Variants in ZNF385D observed in about 807,000 individuals in gnomAD.
The protein encoded by ZNF385D is zinc finger protein 659.
A neutral mutation model predicts 35.8 loss-of-function variants in ZNF385D; 15 were observed. That is an observed-to-expected ratio of 0.42 (90% CI 0.28 to 0.64). The LOEUF is 0.64. Ranked by LOEUF, ZNF385D falls within the 30% of genes least tolerant of loss-of-function variation. The probability of loss-of-function intolerance (pLI) is 0.23; values close to 1 mark genes in which losing one functional copy is unlikely to be tolerated. For synonymous variants in ZNF385D, 212 were observed against 186.8 expected (o/e 1.13, Z -1.10); for missense variants, 474 against 494.6 (o/e 0.96, Z 0.39).
intron 3 of ZNF385D, among the ~76,000 whole-genome samples, chr3:21,918,069 C>T (rs1305981205): frequency 6.6e-6 from 1 of 152,152 alleles, no homozygotes; most frequent in Non-Finnish European, 1.5e-5. Context: ...GTTTTGCAAG[C>T]TGGAATATTC....
intron 3 of ZNF385D, among the ~76,000 whole-genome samples, chr3:21,516,894 T>C (rs1383813926): frequency 6.6e-6 from 1 of 151,936 alleles, no homozygotes; most frequent in Non-Finnish European, 1.5e-5. Flanking sequence ...TGAATGGTTA[T>C]TAGAGATGTC....
At chr3:22,192,161 C>G (rs972024345) in intron 2 of ZNF385D, among the ~76,000 whole-genome samples, 1 of 152,090 alleles carries the variant, frequency 6.6e-6, no homozygotes, top group Non-Finnish European at 1.5e-5. Context: ...GTAACTTAGT[C>G]CAAAGGAGGA....
At chr3:21,937,059 G>T (rs773519500) in intron 3 of ZNF385D, among the ~76,000 whole-genome samples, 1 of 152,076 alleles carries the variant, frequency 6.6e-6, no homozygotes, top group Non-Finnish European at 1.5e-5. Context: ...AGAGAGATTT[G>T]CATTACTAGT....
At chr3:21,885,616 G>C (rs259535) in intron 3 of ZNF385D, among the ~76,000 whole-genome samples, 1 of 151,670 alleles carries the variant, frequency 6.6e-6, no homozygotes, top group East Asian at 1.9e-4. Context: ...GCAATGAAAA[G>C]TTTTATATAT....
chr3:21,955,312 G>A (rs1702234621), intron 3 of ZNF385D, among the ~76,000 whole-genome samples: 3 of 152,052 alleles, frequency 2.0e-5, no homozygotes, highest in Non-Finnish European at 4.4e-5. Flanking sequence ...TTTCTTGTAG[G>A]GAGTGGGGAC....
intron 2 of ZNF385D, among the ~76,000 whole-genome samples, chr3:21,657,201 A>C (rs1234314228): frequency 6.6e-6 from 1 of 151,938 alleles, no homozygotes; most frequent in Admixed American, 6.6e-5. Context: ...AGAGAGAACT[A>C]AGTTGCAGGG....
chr3:22,317,573 TAC>T (rs1490418878), intron 2 of ZNF385D, among the ~76,000 whole-genome samples: 1 of 152,100 alleles, frequency 6.6e-6, no homozygotes, highest in Admixed American at 6.6e-5. Context: ...ACCTCCATGC[TAC>T]ATTTATTCTC....
chr3:22,299,435 A>G (rs1009590864), intron 2 of ZNF385D, among the ~76,000 whole-genome samples: 1 of 151,846 alleles, frequency 6.6e-6, no homozygotes, highest in African/African-American at 2.4e-5. Flanking sequence ...AGGAATATAT[A>G]TAAGTAACTA....
chr3:21,822,364 G>C (rs1481600564), intron 3 of ZNF385D, among the ~76,000 whole-genome samples: 2 of 152,044 alleles, frequency 1.3e-5, no homozygotes, highest in Non-Finnish European at 2.9e-5. Context: ...GAATCACCGC[G>C]CCCAGCCTGG....
intron 4 of ZNF385D, among the ~76,000 whole-genome samples, chr3:21,501,221 G>C (rs1479483796): frequency 1.3e-5 from 2 of 152,114 alleles, no homozygotes; most frequent in African/African-American, 4.8e-5. Flanking sequence ...CTCTATCGCT[G>C]TACGGGACAG....
chr3:21,556,068 G>GTTTTTTTTTTTTTTTTTTTT (rs148079775), intron 3 of ZNF385D, among the ~76,000 whole-genome samples: 33 of 99,042 alleles, frequency 3.3e-4, no homozygotes, highest in East Asian at 6.1e-4. Flanking sequence ...TTTTGTTTTT[G>GTTTTTTTTTTTTTTTTTTTT]TTTTTTTTTT....
intron 2 of ZNF385D, among the ~76,000 whole-genome samples, chr3:22,327,825 C>T (rs754127266): frequency 6.6e-6 from 1 of 152,132 alleles, no homozygotes; most frequent in South Asian, 2.1e-4. Flanking sequence ...GAATGTTGAC[C>T]TTGTATGGAA....
At chr3:21,968,720 C>G (rs1388837533) in intron 3 of ZNF385D, among the ~76,000 whole-genome samples, 1 of 152,192 alleles carries the variant, frequency 6.6e-6, no homozygotes, top group Non-Finnish European at 1.5e-5. Flanking sequence ...CAATGGTAGC[C>G]AGGCAGTACT....
At chr3:21,945,537 TA>T (rs1701739847) in intron 3 of ZNF385D, among the ~76,000 whole-genome samples, 2 of 152,220 alleles carry the variant, frequency 1.3e-5, no homozygotes, top group Non-Finnish European at 2.9e-5. Flanking sequence ...CTATCAAGAT[TA>T]AATTATTTTG....
chr3:22,066,914 C>G (rs932576906), intron 3 of ZNF385D, among the ~76,000 whole-genome samples: 1 of 152,094 alleles, frequency 6.6e-6, no homozygotes, highest in Non-Finnish European at 1.5e-5. Flanking sequence ...ATCAATGATG[C>G]CTATAATCAG....
intron 2 of ZNF385D, among the ~76,000 whole-genome samples, chr3:22,270,810 G>T (rs1288258923): frequency 2.0e-5 from 3 of 151,904 alleles, no homozygotes; most frequent in Non-Finnish European, 4.4e-5. Context: ...TTTAATAAAT[G>T]TATTGAACTT....
intron 3 of ZNF385D, among the ~76,000 whole-genome samples, chr3:21,957,940 T>C (rs1413708338): frequency 6.6e-6 from 1 of 152,076 alleles, no homozygotes; most frequent in Non-Finnish European, 1.5e-5. Flanking sequence ...ATGTTGTCAT[T>C]CAGAAAAACA....
chr3:22,113,815 G>C (rs1042705954), intron 3 of ZNF385D, among the ~76,000 whole-genome samples: 12 of 151,944 alleles, frequency 7.9e-5, no homozygotes, highest in Non-Finnish European at 1.6e-4. Context: ...GAGACAATTT[G>C]GTGCTTTTTC....
At chr3:22,204,559 T>C (rs910618436) in intron 2 of ZNF385D, among the ~76,000 whole-genome samples, 5 of 151,986 alleles carry the variant, frequency 3.3e-5, no homozygotes, top group Non-Finnish European at 7.4e-5. Context: ...ATATGTGACC[T>C]TTCAGACAGA....
Sources: allele counts gnomAD v4.1 joint callset (sites outside exome capture counted in the v4.1 genomes callset), GRCh38; gene constraint gnomAD v4.1.1; transcripts MANE v1.5; gene names NCBI Gene and HGNC (gene_info 2026-07-23, HGNC 2026-07-21).